HS3ST4: variants seen among roughly 807,000 people sequenced by gnomAD.
HS3ST4 encodes the protein heparan sulfate glucosamine 3-O-sulfotransferase 4.
A neutral mutation model predicts 29.2 loss-of-function variants in HS3ST4; 17 were observed. The observed-to-expected ratio is 0.58, with a 90% CI of 0.40 to 0.87. The LOEUF is 0.87. Ranked by LOEUF, HS3ST4 falls within the 40% of genes least tolerant of loss-of-function variation. HS3ST4 has a pLI of 0.00. For synonymous variants in HS3ST4, 314 were observed against 285.7 expected, an observed-to-expected ratio of 1.10 and a Z score of -1.00; for missense variants, 627 against 634.5, an observed-to-expected ratio of 0.99 and a Z score of 0.13.
intron 1 of HS3ST4, among the ~76,000 whole-genome samples, chr16:25,839,014 G>A (rs1420558958): frequency 6.6e-6 from 1 of 152,152 alleles, no homozygotes; most frequent in African/African-American, 2.4e-5. Context: ...TCTTCATTTT[G>A]AAGTTGTCAG....
At chr16:25,772,083 A>T (rs935233322) in intron 1 of HS3ST4, among the ~76,000 whole-genome samples, 3 of 152,236 alleles carry the variant, frequency 2.0e-5, no homozygotes, top group Non-Finnish European at 4.4e-5. Context: ...TTGTAGCATG[A>T]AATAAAACTT....
intron 1 of HS3ST4, among the ~76,000 whole-genome samples, chr16:25,909,805 G>A (rs1252611193): frequency 6.6e-6 from 1 of 152,134 alleles, no homozygotes; most frequent in Non-Finnish European, 1.5e-5. Flanking sequence ...GGCTTGTGAG[G>A]GTCAGTACAG....
At chr16:26,048,041 G>T (rs570059907) in intron 1 of HS3ST4, among the ~76,000 whole-genome samples, 47 of 152,290 alleles carry the variant, frequency 3.1e-4, no homozygotes, top group African/African-American at 1.0e-3. Context: ...CAAGGTGTCG[G>T]CAGGGCTGGT....
At chr16:25,868,011 T>C (rs1325211240) in intron 1 of HS3ST4, among the ~76,000 whole-genome samples, 2 of 152,160 alleles carry the variant, frequency 1.3e-5, no homozygotes, top group South Asian at 2.1e-4. Flanking sequence ...TAGATATGTA[T>C]GTTTCTCCTT....
At chr16:25,711,585 G>C (rs1966415677) in intron 1 of HS3ST4, among the ~76,000 whole-genome samples, 1 of 152,086 alleles carries the variant, frequency 6.6e-6, no homozygotes, top group Non-Finnish European at 1.5e-5. Flanking sequence ...TCATGGTGAA[G>C]ATTTTTTTTT....
chr16:25,739,816 T>C (rs1966640474), intron 1 of HS3ST4, among the ~76,000 whole-genome samples: 2 of 152,206 alleles, frequency 1.3e-5, no homozygotes, highest in Admixed American at 1.3e-4. Flanking sequence ...TTTTCAGATC[T>C]TTTTCTTATA....
intron 1 of HS3ST4, among the ~76,000 whole-genome samples, chr16:25,914,446 T>C (rs1968272221): frequency 6.6e-6 from 1 of 151,338 alleles, no homozygotes; most frequent in Non-Finnish European, 1.5e-5. Context: ...GTGTACATGG[T>C]GTGGCGTGTT....
At chr16:26,012,971 TG>T (rs1293852260) in intron 1 of HS3ST4, among the ~76,000 whole-genome samples, 1 of 152,014 alleles carries the variant, frequency 6.6e-6, no homozygotes, top group Non-Finnish European at 1.5e-5. Flanking sequence ...GAGACCATCC[TG>T]GCCAACATGG....
chr16:25,942,413 C>T (rs188629403), intron 1 of HS3ST4, among the ~76,000 whole-genome samples: 5 of 152,196 alleles, frequency 3.3e-5, no homozygotes, highest in East Asian at 1.9e-4. Flanking sequence ...CTTTGACAGC[C>T]GTAGAGAGAA....
chr16:26,025,923 G>A (rs771057735), intron 1 of HS3ST4, among the ~76,000 whole-genome samples: 1 of 152,128 alleles, frequency 6.6e-6, no homozygotes, highest in East Asian at 1.9e-4. Context: ...CTACATGCAC[G>A]TGCCACCATG....
At chr16:25,960,013 G>T (rs1260597335) in intron 1 of HS3ST4, among the ~76,000 whole-genome samples, 1 of 152,124 alleles carries the variant, frequency 6.6e-6, no homozygotes, top group Non-Finnish European at 1.5e-5. Flanking sequence ...TTGGGTGCCT[G>T]TAATCCCAAC....
chr16:26,127,011 GGAGT>G (rs1295966306), intron 1 of HS3ST4, among the ~76,000 whole-genome samples: 1 of 152,094 alleles, frequency 6.6e-6, no homozygotes, highest in African/African-American at 2.4e-5. Context: ...CTTGGCAATG[GGAGT>G]GTGTGATGGT....
intron 1 of HS3ST4, among the ~76,000 whole-genome samples, chr16:25,736,748 T>C (rs1364882226): frequency 6.6e-6 from 1 of 152,198 alleles, no homozygotes; most frequent in Non-Finnish European, 1.5e-5. Context: ...CCCCTCCCCA[T>C]ACTATCATTC....
At chr16:26,088,200 G>C (rs1007200989) in intron 1 of HS3ST4, among the ~76,000 whole-genome samples, 6 of 152,140 alleles carry the variant, frequency 3.9e-5, no homozygotes, top group Non-Finnish European at 7.3e-5. Context: ...TCCAGAACAC[G>C]TGTTCCTCTT....
At position 26,020,897 on chromosome 16, in the gene HS3ST4, G is replaced by A. The variant is rs117739001; in HGVS notation, c.735-114715G>A. Reference sequence around the variant, plus strand: ...TACATGTATTAGTTTTGCAAATTTTGGTGAATTAATGATCTATGCCTCAGT... The same window carrying A: ...TACATGTATTAGTTTTGCAAATTTTAGTGAATTAATGATCTATGCCTCAGT... On this transcript the variant is annotated intron_variant, in intron 1 of 1. Coordinates refer to ENST00000331351, the MANE Select transcript of HS3ST4 (RefSeq NM_006040.3). Among the ~76,000 whole-genome samples the A allele has an allele frequency of 5.0e-3, 760 of 152,248 alleles. 3 individuals are homozygous for A. The highest frequency in any genetic ancestry group is 8.9e-3 in the Non-Finnish European group (605 of 68,028).
At chr16:26,101,880 T>G (rs1472233699) in intron 1 of HS3ST4, among the ~76,000 whole-genome samples, 1 of 152,218 alleles carries the variant, frequency 6.6e-6, no homozygotes, top group Non-Finnish European at 1.5e-5. Context: ...CCATCTTCTC[T>G]TTTCCAATAT....
chr16:25,955,777 T>A (rs540501512), intron 1 of HS3ST4, among the ~76,000 whole-genome samples: 1 of 151,878 alleles, frequency 6.6e-6, no homozygotes, highest in East Asian at 1.9e-4. Flanking sequence ...TGCAGTGTTT[T>A]GGGAGAAATA....
At chr16:25,956,694 C>A (rs1968735870) in intron 1 of HS3ST4, among the ~76,000 whole-genome samples, 1 of 152,020 alleles carries the variant, frequency 6.6e-6, no homozygotes, top group Non-Finnish European at 1.5e-5. Context: ...GAAAGGAAAA[C>A]CTGGTTTAAA....
chr16:26,113,090 TG>T (rs1899152981), intron 1 of HS3ST4, among the ~76,000 whole-genome samples: 1 of 152,158 alleles, frequency 6.6e-6, no homozygotes, highest in Non-Finnish European at 1.5e-5. Context: ...AGTCACACAA[TG>T]GATTATAATG....
Sources: gnomAD v4.1 joint callset for allele counts (sites outside exome capture counted in the v4.1 genomes callset) on GRCh38, gnomAD v4.1.1 for gene constraint, MANE v1.5 for transcripts, NCBI Gene and HGNC (gene_info 2026-07-23, HGNC 2026-07-21) for gene names.